Variants in TMEM51 observed in about 807,000 individuals in gnomAD.
TMEM51 encodes the protein chromosome 1 open reading frame 72.
A neutral mutation model predicts 13.6 loss-of-function variants in TMEM51; 8 were observed. The ratio of observed to expected loss-of-function variants is 0.59; its 90% CI spans 0.35 to 1.07. The LOEUF (loss-of-function observed/expected upper bound fraction) is 1.07, where lower values mean the gene tolerates loss of function less well. Ranked by LOEUF, TMEM51 falls within the 50% of genes least tolerant of loss-of-function variation. The pLI is 0.02. For missense variants in TMEM51, 279 were observed against 330.7 expected (o/e 0.84, Z 1.21); for synonymous variants, 147 against 144.4 (o/e 1.02, Z -0.13).
intron 1 of TMEM51, among the ~76,000 whole-genome samples, chr1:15,177,346 G>C (rs537174190): frequency 6.6e-6 from 1 of 152,286 alleles, no homozygotes; most frequent in African/African-American, 2.4e-5. Context: ...GTCAGGGAAG[G>C]GAGAGAATGC....
chr1:15,163,411 C>T (rs998736436), intron 1 of TMEM51, among the ~76,000 whole-genome samples: 2 of 151,940 alleles, frequency 1.3e-5, no homozygotes, highest in Non-Finnish European at 2.9e-5. Context: ...TGCTGCCTTA[C>T]CCCAACTTCA....
rs374811276 is a variant in TMEM51, at chr1:15,203,380, G to C, written c.-266-7110G>C. 2.6e-5 allele frequency among the ~76,000 whole-genome samples: 4 copies of C among 151,728 alleles called. No individual in the cohort carries two copies. The East Asian group carries it at 5.8e-4, about 22-fold the overall frequency. On this transcript the variant is annotated intron_variant, in intron 1 of 3. Coordinates refer to ENST00000376008, the MANE Select transcript of TMEM51 (RefSeq NM_001136218.2). ...AGCCATTCTCCTGCCTCAGCCTCCC[G>C]AGTAGCTGGGATTACAGGCGTGCGC...
chr1:15,210,999 A>C (rs1573447531), intron 2 of TMEM51, among the ~76,000 whole-genome samples: 1 of 152,024 alleles, frequency 6.6e-6, no homozygotes. Context: ...TGCACACATA[A>C]CCCTGCCATG....
intron 1 of TMEM51, among the ~76,000 whole-genome samples, chr1:15,173,214 C>CTTTTTTTT (rs3078132): frequency 1.0e-5 from 1 of 97,034 alleles, no homozygotes; most frequent in African/African-American, 4.0e-5. Context: ...TGATCATATT[C>CTTTTTTTT]TTTTTTTTTT....
intron 1 of TMEM51, among the ~76,000 whole-genome samples, chr1:15,204,239 T>G (rs540242654): frequency 6.6e-6 from 1 of 152,302 alleles, no homozygotes; most frequent in Non-Finnish European, 1.5e-5. Context: ...ACTCTTCAGA[T>G]TCCAGGGCTG....
At position 15,161,727 on chromosome 1, in the gene TMEM51, G is replaced by A. The variant is rs1642787212; in HGVS notation, c.-267+7773G>A. Among the ~76,000 whole-genome samples, 1 of 151,604 alleles carries A rather than the reference G, an allele frequency of 6.6e-6. No individual in the cohort carries two copies. The highest frequency in any genetic ancestry group is 2.1e-4 in the South Asian group (1 of 4,808). On this transcript the variant is annotated intron_variant, in intron 1 of 3. Transcript: ENST00000376008. This position sits in a 1 kb window ranked among gnomAD's most constrained non-coding sequence, Gnocchi z 4.0. The stretch of plus-strand genomic sequence containing the variant: ...ACCGAGGCAGGCAGATCACGAGATC[G>A]AGACCATCCTGGCCAACATGGTGAA...
At chr1:15,162,082 TC>T in intron 1 of TMEM51, among the ~76,000 whole-genome samples, 2 of 152,064 alleles carry the variant, frequency 1.3e-5, no homozygotes, top group South Asian at 4.2e-4. Flanking sequence ...AACAACCAGA[TC>T]TTTGGGCACC....
chr1:15,218,090 G>C (rs184646371), intron 3 of TMEM51, among the ~76,000 whole-genome samples: 1 of 152,328 alleles, frequency 6.6e-6, no homozygotes, highest in Admixed American at 6.5e-5. Flanking sequence ...ACAGGTTCAA[G>C]TATAGAGTCC....
chr1:15,167,493 ATAAACATTCAGAGGTT>A lies in TMEM51; in HGVS notation c.-267+13541_-267+13556del, dbSNP rs574730399. On this transcript the variant is annotated intron_variant, in intron 1 of 3. Coordinates refer to ENST00000376008, the MANE Select transcript of TMEM51 (RefSeq NM_001136218.2). ...TTTGGTGATTACGATTAAAGCTGCT[ATAAACATTCAGAGGTT>A]TTAGTATCAACATATGATTTCATTT... Among the ~76,000 whole-genome samples, 283 of 152,302 alleles carry A rather than the reference ATAAACATTCAGAGGTT, an allele frequency of 1.9e-3. 1 individual carries two copies. The highest frequency in any genetic ancestry group is 6.6e-3 in the African/African-American group (275 of 41,564).
chr1:15,202,213 A>G (rs1268210236), intron 1 of TMEM51, among the ~76,000 whole-genome samples: 2 of 152,202 alleles, frequency 1.3e-5, no homozygotes, highest in Admixed American at 1.3e-4. Flanking sequence ...CAACCTGGCC[A>G]CACGAGGAAA....
At chr1:15,212,794 A>G (rs775737567) in intron 2 of TMEM51, among the ~76,000 whole-genome samples, 10 of 152,198 alleles carry the variant, frequency 6.6e-5, no homozygotes, top group Admixed American at 1.3e-4. Context: ...TGCCCATCCT[A>G]CCTGTTCATA....
At chr1:15,176,042 C>T (rs903254916) in intron 1 of TMEM51, among the ~76,000 whole-genome samples, 2 of 152,188 alleles carry the variant, frequency 1.3e-5, no homozygotes, top group Non-Finnish European at 2.9e-5. Context: ...TTTTCTTTTC[C>T]AGACATCTTG....
At chr1:15,206,709 C>T (rs1034263987) in intron 1 of TMEM51, among the ~76,000 whole-genome samples, 13 of 152,196 alleles carry the variant, frequency 8.5e-5, no homozygotes, top group African/African-American at 2.4e-4. Flanking sequence ...ATAGCTGCTG[C>T]GGAGACTGCT....
intron 1 of TMEM51, among the ~76,000 whole-genome samples, chr1:15,183,912 G>A (rs1396608436): frequency 2.0e-5 from 3 of 152,224 alleles, no homozygotes; most frequent in Admixed American, 6.5e-5. Context: ...CAGTGGGGCC[G>A]CAGCCGCTCA....
chr1:15,213,401 T>C (rs1356923697), intron 2 of TMEM51, among the ~76,000 whole-genome samples: 3 of 152,226 alleles, frequency 2.0e-5, no homozygotes, highest in Non-Finnish European at 4.4e-5. Flanking sequence ...AGTCATCCTT[T>C]CGGAGAGACT....
chr1:15,175,269 G>A (rs6663559), intron 1 of TMEM51, among the ~76,000 whole-genome samples: 88,405 of 151,642 alleles, frequency 0.58, 26,761 homozygotes, highest in East Asian at 0.92. Flanking sequence ...ACGTTGTGGC[G>A]AGTGCCTGTA....
At chr1:15,159,195 A>T (rs1235741460) in intron 1 of TMEM51, among the ~76,000 whole-genome samples, 1 of 152,220 alleles carries the variant, frequency 6.6e-6, no homozygotes, top group Non-Finnish European at 1.5e-5. Context: ...ATAAAACAGA[A>T]AGTTGGAAGC....
At chr1:15,189,159 C>T (rs1432730348) in intron 1 of TMEM51, among the ~76,000 whole-genome samples, 2 of 151,444 alleles carry the variant, frequency 1.3e-5, no homozygotes, top group Non-Finnish European at 2.9e-5. Context: ...CCCACCTCAG[C>T]CTCCCGAGCA....
chr1:15,198,527 G>A (rs370206835), intron 1 of TMEM51, among the ~76,000 whole-genome samples: 2 of 151,826 alleles, frequency 1.3e-5, no homozygotes, highest in Admixed American at 6.6e-5. Flanking sequence ...AGTGATTCTC[G>A]GTGCCTCAGC....
Sources: gnomAD v4.1 joint callset for allele counts (sites outside exome capture counted in the v4.1 genomes callset) on GRCh38, gnomAD v4.1.1 for gene constraint, Gnocchi (gnomAD v3.1) non-coding constraint, MANE v1.5 for transcripts, NCBI Gene and HGNC (gene_info 2026-07-23, HGNC 2026-07-21) for gene names.